The following TP73 variants were observed in gnomAD, a reference collection of about 807,000 sequenced individuals.
The protein encoded by TP73 is tumor protein p73, also known as p53-like transcription factor.
TP73 carries 25 observed loss-of-function variants against 62.5 expected under a neutral mutation model. The ratio of observed to expected loss-of-function variants is 0.40; its 90% CI spans 0.29 to 0.56. The LOEUF is 0.56. TP73 is among the 20% of genes least tolerant of loss of function. The pLI is 0.46. For synonymous variants in TP73, 423 were observed against 377.5 expected (o/e 1.12, Z -1.40); for missense variants, 754 against 913.3 (o/e 0.83, Z 2.25).
At chr1:3,731,719 A>T (rs547454231) in intron 13 of TP73, among the ~76,000 whole-genome samples, 163 bp downstream of exon 13, 1 of 152,318 alleles carries the variant, frequency 6.6e-6, no homozygotes, top group African/African-American at 2.4e-5. Flanking sequence ...GCTTAGGCAG[A>T]TGCAGCCAGG....
In TP73 at chr1:3,704,717, T is replaced by C. The variant is rs144993764; in HGVS notation, c.187-2832T>C. Among the ~76,000 whole-genome samples the C allele has an allele frequency of 2.6e-5, 4 of 152,282 alleles. No homozygotes were observed. In the East Asian group the frequency reaches 7.8e-4, roughly 30 times the overall value. ...AGGTCTCAGACACCTCAGAGGCCTCTTGGGCCTCGGTGAGGAGTCTGGGAG... is the reference window on the plus strand; with the variant it reads ...AGGTCTCAGACACCTCAGAGGCCTCCTGGGCCTCGGTGAGGAGTCTGGGAG... On this transcript the variant is annotated intron_variant, in intron 3 of 13. Coordinates refer to ENST00000378295, the MANE Select transcript of TP73 (RefSeq NM_005427.4).
chr1:3,699,040 G>A lies in TP73; in HGVS notation c.187-8509G>A, dbSNP rs1349236117. 6.6e-6 allele frequency among the ~76,000 whole-genome samples: 1 copy of A among 151,474 alleles called. No individual in the cohort carries two copies. Among genetic ancestry groups the A allele is most frequent in the African/African-American group, 2.5e-5 (1 of 40,814 alleles). On this transcript the variant is annotated intron_variant, in intron 3 of 13. Transcript: ENST00000378295. The surrounding 1 kb of genome is among the most constrained non-coding windows in gnomAD (Gnocchi z 4.1). ...CGCCTCAGCCCCGGGTGAGAGCAGA[G>A]GGTGCTGTGGGTGAGAGCACAGGGT... is the stretch of plus-strand genomic sequence containing the variant.
rs1416384139 is a variant in TP73, at chr1:3,727,520, C to T, written c.843-108C>T. 7.5e-6 allele frequency: 11 copies of T among 1,463,290 alleles called. No individual in the cohort carries two copies. The African/African-American group carries it at 1.1e-4, about 15-fold the overall frequency. 90.6% of individuals were successfully genotyped at this position (1,463,290 alleles called of 1,614,324 possible). ...CCGGCACTGGGTGCTCTGTGGTGAC[C>T]GAGGGCTCTCAAGGCCGGTCCTGCA... On this transcript the variant is annotated intron_variant, in intron 7 of 13. Transcript: ENST00000378295.
At chr1:3,725,123 T>C (rs1450387650) in intron 6 of TP73, among the ~76,000 whole-genome samples, 5 of 151,990 alleles carry the variant, frequency 3.3e-5, no homozygotes. Context: ...CTCTGGTTCC[T>C]CTTTCTGCCC....
At chr1:3,728,253 T>C in intron 9 of TP73, 36 bp downstream of exon 9, 4 of 1,597,128 alleles carry the variant, frequency 2.5e-6, no homozygotes, top group Non-Finnish European at 3.4e-6. Context: ...CCGGGAGACC[T>C]GCCTCACCTC....
chr1:3,697,713 G>A (rs1638794730), intron 3 of TP73, among the ~76,000 whole-genome samples: 2 of 152,240 alleles, frequency 1.3e-5, no homozygotes, highest in Non-Finnish European at 2.9e-5. Context: ...TGCCTTTGCA[G>A]GAGCTGACCA....
chr1:3,670,099 G>A lies in TP73; in HGVS notation c.-33-12234G>A, dbSNP rs1298231414. Among the ~76,000 whole-genome samples the A allele has an allele frequency of 6.6e-6, 1 of 151,982 alleles. No homozygotes were observed. Among genetic ancestry groups the A allele is most frequent in the Non-Finnish European group, 1.5e-5 (1 of 67,984 alleles). ...CCTCCTGGATGGGCATGTGGCTCGG[G>A]GGGCGAGACCATGGGCTCTTCCTGG... is the stretch of plus-strand genomic sequence containing the variant. On this transcript the variant is annotated intron_variant, in intron 1 of 13. Coordinates refer to ENST00000378295, the MANE Select transcript of TP73 (RefSeq NM_005427.4). This position sits in a 1 kb window ranked among gnomAD's most constrained non-coding sequence, Gnocchi z 5.9.
chr1:3,726,632 A>G (rs1407472045), intron 6 of TP73, among the ~76,000 whole-genome samples: 2 of 113,058 alleles, frequency 1.8e-5, no homozygotes, highest in East Asian at 1.0e-3. Context: ...GGGTGGGTGG[A>G]TGGATGGGGT....
intron 3 of TP73, among the ~76,000 whole-genome samples, chr1:3,695,015 T>C (rs1383210435): frequency 7.0e-6 from 1 of 142,416 alleles, no homozygotes; most frequent in Non-Finnish European, 1.6e-5. Flanking sequence ...CTTCACTTGC[T>C]TCCCACACTG....
rs922075165 is a variant in TP73, at chr1:3,696,779, T to C, written c.187-10770T>C. On this transcript the variant is annotated intron_variant, in intron 3 of 13. Coordinates refer to ENST00000378295, the MANE Select transcript of TP73 (RefSeq NM_005427.4). This position sits in a 1 kb window ranked among gnomAD's most constrained non-coding sequence, Gnocchi z 4.1. ...GAAAGACCCCGAGCAGCGGTGGGGCTCAAGCCATGTGGGGCCAGGGGAGGG... is the reference window on the plus strand; with the variant it reads ...GAAAGACCCCGAGCAGCGGTGGGGCCCAAGCCATGTGGGGCCAGGGGAGGG... Among the ~76,000 whole-genome samples, 13 of 152,134 alleles carry C rather than the reference T, an allele frequency of 8.5e-5. No individual in the cohort carries two copies. The highest frequency in any genetic ancestry group is 2.9e-4 in the African/African-American group (12 of 41,498).
chr1:3,731,587 G>T (rs897608903), intron 13 of TP73, 31 bp downstream of exon 13: 1 of 1,603,174 alleles, frequency 6.2e-7, no homozygotes, highest in Admixed American at 1.7e-5. Context: ...GCTCTGCAGA[G>T]GCAGTAGCTG....
At chr1:3,657,754 CG>C (rs1376451866) in intron 1 of TP73, among the ~76,000 whole-genome samples, 2 of 152,230 alleles carry the variant, frequency 1.3e-5, no homozygotes, top group East Asian at 3.9e-4. Flanking sequence ...TGGGCACAGC[CG>C]GGGATGGGCA....
At chr1:3,684,205 C>T (rs1463852262) in intron 3 of TP73, among the ~76,000 whole-genome samples, 1 of 152,248 alleles carries the variant, frequency 6.6e-6, no homozygotes, top group Non-Finnish European at 1.5e-5. Flanking sequence ...CTCGGCCCCG[C>T]CCACAGGCTG....
Position 3,683,160 on chromosome 1 carries a change from G to A in TP73, c.166G>A (p.Gly56Ser), listed in dbSNP as rs200781521. ...DSSMDVFHLE[G>S]MTTSVMAQFN... ...CAGCATGGACGTCTTCCACCTGGAG[G>A]GCATGACTACATCTGTCATGGTGAG... Residue 56 changes from glycine to serine, a missense_variant, in exon 3 of 14, where the codon GGC (glycine) becomes AGC (serine). By Grantham distance (56) the Gly-to-Ser change is moderately conservative. Around this residue, in one of 3 missense-constraint regions of TP73, gnomAD observed 235 missense variants for 251.4 expected, o/e 0.93. Coordinates refer to ENST00000378295, the MANE Select transcript of TP73 (RefSeq NM_005427.4). The A allele has an allele frequency of 3.1e-6, 5 of 1,611,182 alleles. No individual in the cohort carries two copies. The highest frequency in any genetic ancestry group is 2.2e-5 in the East Asian group (1 of 44,802).
At chr1:3,708,989 G>C (rs998897352) in intron 4 of TP73, among the ~76,000 whole-genome samples, 7 of 152,214 alleles carry the variant, frequency 4.6e-5, no homozygotes, top group South Asian at 2.1e-4. Context: ...AGGTTTTTCC[G>C]CTTTAAGAAT....
At chr1:3,717,536 G>C (rs1640708372) in intron 4 of TP73, among the ~76,000 whole-genome samples, 1 of 152,238 alleles carries the variant, frequency 6.6e-6, no homozygotes, top group African/African-American at 2.4e-5. Flanking sequence ...TCTAGGGAAG[G>C]AGAAGGCAGG....
At chr1:3,715,398 CGACCCCA>C (rs1360491880) in intron 4 of TP73, among the ~76,000 whole-genome samples, 1 of 152,120 alleles carries the variant, frequency 6.6e-6, no homozygotes, top group Non-Finnish European at 1.5e-5. Context: ...GCCTAGACCC[CGACCCCA>C]GGCCCCAGGA....
chr1:3,706,809 T>C (rs1639695518), intron 3 of TP73, among the ~76,000 whole-genome samples: 1 of 151,924 alleles, frequency 6.6e-6, no homozygotes. Flanking sequence ...TCCTGTTCCT[T>C]GGTGTGTGGT....
At chr1:3,689,102 C>T (rs1645741118) in intron 3 of TP73, among the ~76,000 whole-genome samples, 1 of 152,104 alleles carries the variant, frequency 6.6e-6, no homozygotes, top group Non-Finnish European at 1.5e-5. Flanking sequence ...GCCCCCAACC[C>T]AAGAGGGGTC....
Sources: allele counts gnomAD v4.1 joint callset (sites outside exome capture counted in the v4.1 genomes callset), GRCh38; gene constraint gnomAD v4.1.1; regional missense constraint gnomAD v4.1.1; non-coding constraint Gnocchi (gnomAD v3.1); transcripts MANE v1.5; gene names NCBI Gene and HGNC (gene_info 2026-07-23, HGNC 2026-07-21).